RAPGEF5: variants seen among roughly 807,000 people sequenced by gnomAD.
The protein encoded by RAPGEF5 is M-Ras-regulated GEF.
RAPGEF5 carries 65 observed loss-of-function variants against 125.2 expected under a neutral mutation model. The ratio of observed to expected loss-of-function variants is 0.52; its 90% CI spans 0.43 to 0.64. The LOEUF (loss-of-function observed/expected upper bound fraction) is 0.64. Ranked by LOEUF, RAPGEF5 falls within the 30% of genes least tolerant of loss-of-function variation. The probability of loss-of-function intolerance (pLI) is 0.00; values close to 1 mark genes in which losing one functional copy is unlikely to be tolerated. For missense variants in RAPGEF5, 958 were observed against 1,048.1 expected, an observed-to-expected ratio of 0.91 and a Z score of 1.19; for synonymous variants, 391 against 385.9, an observed-to-expected ratio of 1.01 and a Z score of -0.16.
chr7:22,223,723 G>T (rs1368714750), intron 8 of RAPGEF5, among the ~76,000 whole-genome samples: 1 of 152,102 alleles, frequency 6.6e-6, no homozygotes, highest in African/African-American at 2.4e-5. Context: ...AAATACAGGG[G>T]TAAATATGCA....
At chr7:22,320,943 T>C (rs1401249678) in intron 1 of RAPGEF5, among the ~76,000 whole-genome samples, 1 of 152,198 alleles carries the variant, frequency 6.6e-6, no homozygotes, top group African/African-American at 2.4e-5. Flanking sequence ...GTATCCTCTC[T>C]TAAATGGCTC....
chr7:22,264,616 C>G (rs117539788), intron 7 of RAPGEF5, among the ~76,000 whole-genome samples: 17 of 152,296 alleles, frequency 1.1e-4, no homozygotes, highest in East Asian at 1.9e-4. Flanking sequence ...TCGAACCCAT[C>G]TGGCATAATG....
chr7:22,305,924 T>C (rs1388970260), intron 5 of RAPGEF5, among the ~76,000 whole-genome samples: 1 of 152,234 alleles, frequency 6.6e-6, no homozygotes, highest in Non-Finnish European at 1.5e-5. Flanking sequence ...ATTGTGTATA[T>C]GTACCACGTT....
chr7:22,303,198 T>C (rs1328616647), intron 5 of RAPGEF5, among the ~76,000 whole-genome samples: 1 of 152,200 alleles, frequency 6.6e-6, no homozygotes, highest in Non-Finnish European at 1.5e-5. Flanking sequence ...TCCTCAACTC[T>C]CTGCTTAAAA....
chr7:22,308,561 A>T, intron 4 of RAPGEF5, 54 bp from the exon 5 acceptor site: 1 of 1,325,572 alleles, frequency 7.5e-7, no homozygotes, highest in Non-Finnish European at 1.0e-6. Flanking sequence ...TTACTCAGAG[A>T]GTAATAACTC....
In RAPGEF5 at chr7:22,273,420, A is replaced by G. The variant is rs375048514; in HGVS notation, c.748-6408T>C. The stretch of plus-strand genomic sequence containing the variant: ...TTTTTAGTAGAGACGGGGTTTCACC[A>G]TGTTAGCCAGGATGGTCTCGATCTC... On this transcript the variant is annotated intron_variant, in intron 6 of 25. Coordinates refer to ENST00000665637, the MANE Select transcript of RAPGEF5 (RefSeq NM_012294.5). 8.3e-4 allele frequency among the ~76,000 whole-genome samples: 125 copies of G among 151,070 alleles called. No homozygotes were observed. The East Asian group carries it at 0.021, about 25-fold the overall frequency.
intron 6 of RAPGEF5, among the ~76,000 whole-genome samples, chr7:22,267,931 G>C (rs1214008605): frequency 6.6e-6 from 1 of 151,818 alleles, no homozygotes. Context: ...ACACTTTAAA[G>C]GGAGTTCAAG....
intron 1 of RAPGEF5, among the ~76,000 whole-genome samples, chr7:22,342,136 T>A (rs1001322558): frequency 6.6e-6 from 1 of 152,250 alleles, no homozygotes; most frequent in Non-Finnish European, 1.5e-5. Flanking sequence ...AATTCTTGAC[T>A]TCTGTGCACT....
At chr7:22,254,005 C>A (rs957000114) in intron 7 of RAPGEF5, among the ~76,000 whole-genome samples, 1 of 152,056 alleles carries the variant, frequency 6.6e-6, no homozygotes, top group Non-Finnish European at 1.5e-5. Flanking sequence ...AAAGGGAAAG[C>A]CTTATTTATA....
chr7:22,213,009 G>T (rs1291506439), intron 9 of RAPGEF5, among the ~76,000 whole-genome samples: 7 of 152,098 alleles, frequency 4.6e-5, no homozygotes, highest in Non-Finnish European at 1.0e-4. Flanking sequence ...AGAATAAAAG[G>T]ACCCTTTGAT....
chr7:22,153,091 T>A (rs1328249690), intron 17 of RAPGEF5, among the ~76,000 whole-genome samples: 1 of 152,172 alleles, frequency 6.6e-6, no homozygotes, highest in Non-Finnish European at 1.5e-5. Context: ...CTGGGTTGAC[T>A]CTCAGTCAGC....
At chr7:22,300,044 T>G (rs1177586821) in intron 5 of RAPGEF5, among the ~76,000 whole-genome samples, 1 of 149,202 alleles carries the variant, frequency 6.7e-6, no homozygotes, top group East Asian at 2.0e-4. Flanking sequence ...AAGCTTTTCG[T>G]CATTATTTAA....
intron 6 of RAPGEF5, among the ~76,000 whole-genome samples, chr7:22,287,826 G>T (rs1040533344): frequency 2.0e-5 from 3 of 152,208 alleles, no homozygotes; most frequent in South Asian, 2.1e-4. Flanking sequence ...ATGAACAATG[G>T]AATTTTAGAA....
chr7:22,256,943 G>A lies in RAPGEF5; in HGVS notation c.796+10021C>T, dbSNP rs10257912. 5.3e-3 allele frequency among the ~76,000 whole-genome samples: 812 copies of A among 152,250 alleles called. 7 individuals carry two copies. The highest frequency in any genetic ancestry group is 0.018 in the African/African-American group (758 of 41,552). ...AACTGTTCAAAGGCACATCCTAATG[G>A]CCTTTTAGAAAATTACAACAAATAG... On this transcript the variant is annotated intron_variant, in intron 7 of 25. Coordinates refer to ENST00000665637, the MANE Select transcript of RAPGEF5 (RefSeq NM_012294.5).
chr7:22,251,265 A>G (rs1485964677), intron 7 of RAPGEF5, among the ~76,000 whole-genome samples: 2 of 152,344 alleles, frequency 1.3e-5, no homozygotes, highest in African/African-American at 4.8e-5. Flanking sequence ...AATAAATCAT[A>G]GACAATGCCA....
intron 17 of RAPGEF5, among the ~76,000 whole-genome samples, chr7:22,152,960 A>G (rs1162299160): frequency 1.3e-5 from 2 of 152,218 alleles, no homozygotes; most frequent in Non-Finnish European, 2.9e-5. Flanking sequence ...AGACATTACA[A>G]CGCTATTGCC....
At chr7:22,147,249 C>G (rs1024179783) in intron 18 of RAPGEF5, among the ~76,000 whole-genome samples, 1 of 152,146 alleles carries the variant, frequency 6.6e-6, no homozygotes, top group Non-Finnish European at 1.5e-5. Flanking sequence ...CCCGCTCCTC[C>G]CCCATCTCTC....
rs185370310 is a variant in RAPGEF5 at position 22,229,597 on chromosome 7, A to G, written c.870+1249T>C. ...TACATTTTTATTTCTAATTCTGCCT[A>G]TGTATCTGATGGCAAAATTCTAAGT... On this transcript the variant is annotated intron_variant, in intron 8 of 25. Coordinates refer to ENST00000665637, the MANE Select transcript of RAPGEF5 (RefSeq NM_012294.5). Among the ~76,000 whole-genome samples, 30 of 152,346 alleles carry G rather than the reference A, an allele frequency of 2.0e-4. No homozygotes were observed. In the East Asian group the frequency reaches 3.9e-3, roughly 20 times the overall value.
chr7:22,222,490 C>T (rs747239982), intron 8 of RAPGEF5, among the ~76,000 whole-genome samples: 5 of 152,050 alleles, frequency 3.3e-5, no homozygotes, highest in African/African-American at 4.8e-5. Flanking sequence ...AAGTGTGTTT[C>T]GGGCAGAGGA....
Sources: gnomAD v4.1 joint callset for allele counts (sites outside exome capture counted in the v4.1 genomes callset) on GRCh38, gnomAD v4.1.1 for gene constraint, MANE v1.5 for transcripts, NCBI Gene and HGNC (gene_info 2026-07-23, HGNC 2026-07-21) for gene names.